UNC13B: variants seen among roughly 807,000 people sequenced by gnomAD.
The protein encoded by UNC13B is unc-13 homolog B, also known as protein unc-13 homolog B.
A neutral mutation model predicts 211.0 loss-of-function variants in UNC13B; 144 were observed. The observed-to-expected ratio is 0.68, with a 90% confidence interval of 0.60 to 0.78. The LOEUF is 0.78. Among genes scored for constraint, UNC13B ranks in the 30% least tolerant of loss-of-function variants. The pLI is 0.00. For missense variants in UNC13B, 1,777 were observed against 2,002.0 expected (o/e 0.89, Z 2.14); for synonymous variants, 709 against 725.8 (o/e 0.98, Z 0.37).
chr9:35,189,786 C>T (rs954327701), intron 1 of UNC13B, among the ~76,000 whole-genome samples: 3 of 152,214 alleles, frequency 2.0e-5, no homozygotes, highest in African/African-American at 4.8e-5. Context: ...TCTCCTGCCT[C>T]AGCCTCCTGA....
intron 6 of UNC13B, among the ~76,000 whole-genome samples, chr9:35,248,060 A>G (rs1180459714): frequency 6.6e-6 from 1 of 152,146 alleles, no homozygotes; most frequent in African/African-American, 2.4e-5. Context: ...CAGAGATTCA[A>G]CTTCTTCCTG....
intron 6 of UNC13B, among the ~76,000 whole-genome samples, chr9:35,251,365 C>G (rs1826476480): frequency 6.6e-6 from 1 of 152,100 alleles, no homozygotes; most frequent in Non-Finnish European, 1.5e-5. Context: ...GGTGGTCAGA[C>G]CACTTGAGGT....
At chr9:35,357,007 C>A (rs1439122549) in intron 11 of UNC13B, among the ~76,000 whole-genome samples, 2 of 152,128 alleles carry the variant, frequency 1.3e-5, no homozygotes, top group Non-Finnish European at 1.5e-5. Flanking sequence ...GTTATTATTA[C>A]CACTTCTTGC....
intron 26 of UNC13B, among the ~76,000 whole-genome samples, chr9:35,395,148 T>C (rs80133431): frequency 0.01 from 1,594 of 152,110 alleles, 16 homozygotes; most frequent in Non-Finnish European, 0.016. Flanking sequence ...GTCCCTGATT[T>C]TTTCACTCTC....
chr9:35,232,815 G>A (rs903446315), intron 3 of UNC13B, among the ~76,000 whole-genome samples: 3 of 152,164 alleles, frequency 2.0e-5, no homozygotes, highest in Non-Finnish European at 2.9e-5. Context: ...AGGTGAAGAT[G>A]AGAAAGCTTA....
In UNC13B at chr9:35,269,411, G is replaced by A. The variant is rs537029724; in HGVS notation, c.526+10361G>A. On this transcript the variant is annotated intron_variant, in intron 7 of 39. Transcript: ENST00000635942. Reference sequence around the variant, plus strand: ...GTTTTGGGTGCACTACTCTCCCTGTGGGTGCATTTTTGTTCACCAGTGTGG... The same window carrying A: ...GTTTTGGGTGCACTACTCTCCCTGTAGGTGCATTTTTGTTCACCAGTGTGG... 3.3e-3 allele frequency among the ~76,000 whole-genome samples: 498 copies of A among 152,276 alleles called. 2 individuals are homozygous for A. The highest frequency in any genetic ancestry group is 0.011 in the African/African-American group (473 of 41,552).
In UNC13B at chr9:35,328,642, T is replaced by TCCTTCCTTCCTC. The variant is rs1564139393; in HGVS notation, c.9414+14664_9414+14665insCCCTTCCTTCCT. On this transcript the variant is annotated intron_variant, in intron 11 of 39. Coordinates refer to ENST00000635942, the MANE Select transcript of UNC13B (RefSeq NM_001371189.2). The stretch of plus-strand genomic sequence containing the variant: ...TTCCTTCCTTCCTTCCTTCCTTCCT[T>TCCTTCCTTCCTC]CCTTCCTTCCTTCCTTCCTTCCTCC... Among the ~76,000 whole-genome samples, 5 of 84,484 alleles carry TCCTTCCTTCCTC rather than the reference T, an allele frequency of 5.9e-5. 1 individual carries two copies. Among genetic ancestry groups the TCCTTCCTTCCTC allele is most frequent in the South Asian group, 4.3e-4 (1 of 2,300 alleles). 55.4% of individuals were successfully genotyped at this position (84,484 alleles called of 152,430 possible).
At chr9:35,248,838 T>G (rs1324439691) in intron 6 of UNC13B, among the ~76,000 whole-genome samples, 11 of 152,182 alleles carry the variant, frequency 7.2e-5, no homozygotes, top group Non-Finnish European at 1.5e-4. Flanking sequence ...TTCTGTTGAT[T>G]TGGGGTGGAG....
intron 2 of UNC13B, among the ~76,000 whole-genome samples, chr9:35,229,258 T>A (rs552886563): frequency 3.0e-4 from 46 of 152,276 alleles, no homozygotes; most frequent in African/African-American, 1.0e-3. Context: ...TGAATACGCT[T>A]GAGAACCCAG....
At chr9:35,381,507 C>T (rs2281999) in intron 19 of UNC13B, 49 bp from the exon 20 acceptor site, 521,304 of 1,554,452 alleles carry the variant, frequency 0.34, 90,491 homozygotes, top group African/African-American at 0.53. Flanking sequence ...TTGTTTTTGT[C>T]TTTCATATGT....
intron 11 of UNC13B, among the ~76,000 whole-genome samples, chr9:35,357,864 A>G (rs943854751): frequency 1.1e-4 from 16 of 152,340 alleles, no homozygotes; most frequent in African/African-American, 3.6e-4. Context: ...GTACATTCGT[A>G]TTGTTCTGCA....
intron 1 of UNC13B, among the ~76,000 whole-genome samples, chr9:35,171,251 G>A (rs1208291836): frequency 1.3e-5 from 2 of 151,956 alleles, no homozygotes; most frequent in African/African-American, 4.8e-5. Context: ...ACAGGTGCCC[G>A]CCACCACGCC....
At chr9:35,266,861 G>A (rs774898724) in intron 7 of UNC13B, among the ~76,000 whole-genome samples, 1 of 152,168 alleles carries the variant, frequency 6.6e-6, no homozygotes, top group Non-Finnish European at 1.5e-5. Context: ...AGGCTGACTT[G>A]TGCCCATTTC....
chr9:35,342,196 G>C (rs748535115), intron 11 of UNC13B: 146 of 985,570 alleles, frequency 1.5e-4, no homozygotes, highest in Non-Finnish European at 1.7e-4. Flanking sequence ...GGCTCAGAAA[G>C]TTCGTCCTGT....
At chr9:35,245,081 C>T (rs1046639783) in intron 6 of UNC13B, among the ~76,000 whole-genome samples, 7 of 151,804 alleles carry the variant, frequency 4.6e-5, no homozygotes, top group African/African-American at 1.4e-4. Flanking sequence ...TTTGTGTTTT[C>T]GTTCTTCCCA....
At chr9:35,196,355 C>T (rs1254180190) in intron 1 of UNC13B, among the ~76,000 whole-genome samples, 2 of 152,196 alleles carry the variant, frequency 1.3e-5, no homozygotes, top group Non-Finnish European at 2.9e-5. Context: ...TTAGCCATTC[C>T]CTGTGCCTGA....
At position 35,202,824 on chromosome 9, in the gene UNC13B, G is replaced by A. The variant is rs374025357; in HGVS notation, c.23-25191G>A. 1.1e-3 allele frequency among the ~76,000 whole-genome samples: 153 copies of A among 144,668 alleles called. 2 individuals are homozygous for A. The South Asian group carries it at 0.019, about 18-fold the overall frequency. The allele number at this position is 144,668 out of a possible 152,430, so 94.9% of individuals were successfully genotyped here. On this transcript the variant is annotated intron_variant, in intron 1 of 39. Transcript: ENST00000635942. ...TTTTTTTTTTTTGAGACAGAGTCTC[G>A]CTCTGTCACCCAGGGTGGAGTGCAG...
intron 3 of UNC13B, among the ~76,000 whole-genome samples, chr9:35,233,409 T>A (rs898520476): frequency 6.6e-6 from 1 of 152,350 alleles, no homozygotes; most frequent in East Asian, 1.9e-4. Flanking sequence ...GTTGAGATGC[T>A]GTGTGAATTT....
intron 22 of UNC13B, 40 bp downstream of exon 22, chr9:35,384,354 A>G (rs1331755567): frequency 1.9e-6 from 3 of 1,608,776 alleles, no homozygotes; most frequent in Non-Finnish European, 2.5e-6. Flanking sequence ...AATAGATATC[A>G]AGCACGGTCC....
Sources: allele counts gnomAD v4.1 joint callset (sites outside exome capture counted in the v4.1 genomes callset), GRCh38; gene constraint gnomAD v4.1.1; transcripts MANE v1.5; gene names NCBI Gene and HGNC (gene_info 2026-07-23, HGNC 2026-07-21).